Variants in CNTNAP2 observed in about 807,000 individuals in gnomAD.
CNTNAP2 encodes the protein contactin associated protein 2, also known as contactin-associated protein-like 2.
In CNTNAP2, 98 loss-of-function variants were observed where a neutral mutation model predicts 155.2. The observed-to-expected ratio is 0.63, with a 90% CI of 0.54 to 0.75. The LOEUF is 0.75. Ranked by LOEUF, CNTNAP2 falls within the 30% of genes least tolerant of loss-of-function variation. The pLI is 0.00. For missense variants in CNTNAP2, 1,727 were observed against 1,688.1 expected, an observed-to-expected ratio of 1.02 and a Z score of -0.40; for synonymous variants, 651 against 631.2, an observed-to-expected ratio of 1.03 and a Z score of -0.47.
intron 3 of CNTNAP2, among the ~76,000 whole-genome samples, chr7:147,014,717 G>T (rs1268204665): frequency 1.3e-5 from 2 of 152,084 alleles, no homozygotes; most frequent in African/African-American, 4.8e-5. Context: ...GCCAGTGTTT[G>T]GTGGAAAGGC....
At chr7:146,911,530 A>T (rs937615003) in intron 3 of CNTNAP2, among the ~76,000 whole-genome samples, 3 of 151,912 alleles carry the variant, frequency 2.0e-5, no homozygotes, top group African/African-American at 7.3e-5. Context: ...ATTGGAAATC[A>T]TCATTCTCAG....
chr7:146,301,384 G>A (rs1025481326), intron 1 of CNTNAP2, among the ~76,000 whole-genome samples: 2 of 152,078 alleles, frequency 1.3e-5, no homozygotes, highest in Non-Finnish European at 2.9e-5. Flanking sequence ...CAGCACTTTG[G>A]AAGGCTGAGA....
chr7:146,627,385 T>C (rs1321962150), intron 1 of CNTNAP2, among the ~76,000 whole-genome samples: 1 of 152,182 alleles, frequency 6.6e-6, no homozygotes, highest in Admixed American at 6.5e-5. Context: ...TATTACTTCA[T>C]GTAAAATGAA....
At chr7:148,111,780 T>G (rs1041834183) in intron 15 of CNTNAP2, among the ~76,000 whole-genome samples, 2 of 152,228 alleles carry the variant, frequency 1.3e-5, no homozygotes, top group African/African-American at 4.8e-5. Context: ...CAATTTTCTT[T>G]CTGGAGTTTC....
At chr7:148,196,577 AT>A (rs953329595) in intron 18 of CNTNAP2, among the ~76,000 whole-genome samples, 1 of 152,244 alleles carries the variant, frequency 6.6e-6, no homozygotes, top group African/African-American at 2.4e-5. Context: ...AAGTGTATTA[AT>A]TAACTCATTT....
At chr7:148,324,814 G>A (rs2116543961) in intron 21 of CNTNAP2, among the ~76,000 whole-genome samples, 1 of 72,820 alleles carries the variant, frequency 1.4e-5, no homozygotes, top group East Asian at 3.7e-4. Flanking sequence ...AAAAGAGTAG[G>A]GATTTGGGTC....
chr7:148,239,128 T>G (rs538350188), intron 20 of CNTNAP2, among the ~76,000 whole-genome samples: 89 of 152,328 alleles, frequency 5.8e-4, no homozygotes, highest in African/African-American at 2.0e-3. Flanking sequence ...ACAGCCTGGG[T>G]TGTGCAATAC....
At chr7:146,653,326 A>G (rs111426023) in intron 1 of CNTNAP2, among the ~76,000 whole-genome samples, 6 of 152,184 alleles carry the variant, frequency 3.9e-5, no homozygotes, top group African/African-American at 1.4e-4. Flanking sequence ...AATTTTTATT[A>G]TCAATGTTTA....
chr7:147,370,834 G>A (rs1163510393), intron 9 of CNTNAP2, among the ~76,000 whole-genome samples: 1 of 151,996 alleles, frequency 6.6e-6, no homozygotes, highest in Non-Finnish European at 1.5e-5. Context: ...TAGAAATTAA[G>A]CTGCATTTAG....
chr7:147,496,920 A>G (rs1798720094), intron 11 of CNTNAP2: 1 of 152,138 alleles, frequency 6.6e-6, no homozygotes, highest in Non-Finnish European at 1.5e-5. Context: ...TGCTACAAAA[A>G]TATAAAGATT....
intron 1 of CNTNAP2, among the ~76,000 whole-genome samples, chr7:146,732,456 C>T (rs998953913): frequency 6.6e-6 from 1 of 152,118 alleles, no homozygotes; most frequent in Non-Finnish European, 1.5e-5. Flanking sequence ...CTTTTCTCAG[C>T]TCTATTTTCC....
chr7:146,767,540 C>T (rs1802218883), intron 1 of CNTNAP2, among the ~76,000 whole-genome samples: 1 of 151,884 alleles, frequency 6.6e-6, no homozygotes, highest in Non-Finnish European at 1.5e-5. Context: ...TCTACAGGAG[C>T]AAGAGAAAGA....
chr7:147,330,456 G>T (rs1795539102), intron 9 of CNTNAP2, among the ~76,000 whole-genome samples: 1 of 152,160 alleles, frequency 6.6e-6, no homozygotes, highest in South Asian at 2.1e-4. Flanking sequence ...GGAGAGGTTT[G>T]TGAGAACCCA....
At chr7:146,873,769 AG>A (rs527533371) in intron 3 of CNTNAP2, among the ~76,000 whole-genome samples, 1 of 152,094 alleles carries the variant, frequency 6.6e-6, no homozygotes, top group Non-Finnish European at 1.5e-5. Context: ...TTACAATTTG[AG>A]GGGGAAGTGT....
chr7:147,378,203 A>G (rs1046952316), intron 9 of CNTNAP2: 6 of 294,116 alleles, frequency 2.0e-5, no homozygotes, highest in Admixed American at 1.4e-4. Context: ...TCGATATTCA[A>G]TCTACCTTTC....
intron 14 of CNTNAP2, among the ~76,000 whole-genome samples, chr7:147,919,646 G>A (rs1206955974): frequency 6.6e-6 from 1 of 151,384 alleles, no homozygotes; most frequent in East Asian, 2.0e-4. Flanking sequence ...TTTTAGTAGA[G>A]ATGGGGTTTC....
In CNTNAP2 at chr7:147,945,361, A is replaced by G. The variant is rs138326304; in HGVS notation, c.2256-32501A>G. Among the ~76,000 whole-genome samples the G allele has an allele frequency of 2.7e-3, 410 of 152,314 alleles. 3 individuals carry two copies. Among genetic ancestry groups the G allele is most frequent in the African/African-American group, 9.1e-3 (378 of 41,588 alleles). The stretch of plus-strand genomic sequence containing the variant: ...AATAATTAAGAAGAAAAGAAAAAAG[A>G]GAGTTAATTAAGTTTCCCGGATCTT... On this transcript the variant is annotated intron_variant, in intron 14 of 23. Transcript: ENST00000361727.
chr7:147,708,841 T>A (rs1348988004), intron 13 of CNTNAP2, among the ~76,000 whole-genome samples: 1 of 152,226 alleles, frequency 6.6e-6, no homozygotes, highest in Non-Finnish European at 1.5e-5. Flanking sequence ...GATCATCTAT[T>A]CACTGTTTTT....
intron 1 of CNTNAP2, among the ~76,000 whole-genome samples, chr7:146,250,347 G>A (rs1563008061): frequency 6.6e-6 from 1 of 152,168 alleles, no homozygotes; most frequent in South Asian, 2.1e-4. Flanking sequence ...TTCAACCGAA[G>A]TGTTGCTCGT....
Sources: gnomAD v4.1 joint callset for allele counts (sites outside exome capture counted in the v4.1 genomes callset) on GRCh38, gnomAD v4.1.1 for gene constraint, MANE v1.5 for transcripts, NCBI Gene and HGNC (gene_info 2026-07-23, HGNC 2026-07-21) for gene names.